Variants in PDZD2 observed in about 807,000 individuals in gnomAD.
The protein encoded by PDZD2 is PDZ domain-containing protein 2.
A neutral mutation model predicts 220.7 loss-of-function variants in PDZD2; 90 were observed. The ratio of observed to expected loss-of-function variants is 0.41; its 90% CI spans 0.34 to 0.49. The LOEUF (loss-of-function observed/expected upper bound fraction) is 0.49, where lower values mean the gene tolerates loss of function less well. Among genes scored for constraint, PDZD2 ranks in the 20% least tolerant of loss-of-function variants. The pLI, the probability that PDZD2 is intolerant of heterozygous loss-of-function variation, is 0.28. For synonymous variants in PDZD2, 1,375 were observed against 1,450.5 expected, an observed-to-expected ratio of 0.95 and a Z score of 1.18; for missense variants, 3,174 against 3,608.5, an observed-to-expected ratio of 0.88 and a Z score of 3.08.
chr5:31,983,292 TG>T lies in PDZD2; in HGVS notation c.617del (p.Gly206ValfsTer61), dbSNP rs751925372. On this transcript the variant is annotated frameshift_variant, in exon 3 of 25. Coordinates refer to ENST00000438447, the MANE Select transcript of PDZD2 (RefSeq NM_178140.4). LOFTEE classifies it high-confidence loss of function. ...CCAGGAGAAACACCTACCTTGGAGC[TG>T]GGTGACCGAACTGCGAAAAAGGGGA... ...SEPGETPTLE[L>X]GDRTAKKGKR... 2.5e-6 allele frequency: 4 copies of T among 1,614,114 alleles called. No homozygotes were observed. Among genetic ancestry groups the T allele is most frequent in the Non-Finnish European group, 8.5e-7 (1 of 1,180,048 alleles).
chr5:31,937,898 A>G (rs1745898407), intron 2 of PDZD2, among the ~76,000 whole-genome samples: 1 of 152,226 alleles, frequency 6.6e-6, no homozygotes, highest in Non-Finnish European at 1.5e-5. Context: ...TCAGCAAGCT[A>G]TGGCCCTTAG....
intron 1 of PDZD2, among the ~76,000 whole-genome samples, chr5:31,676,512 G>T (rs1339218057): frequency 1.3e-5 from 2 of 151,838 alleles, no homozygotes; most frequent in East Asian, 3.9e-4. Context: ...GTAGGAAGAT[G>T]AGCAGAAATA....
chr5:31,829,385 T>C (rs1028028082), intron 2 of PDZD2, among the ~76,000 whole-genome samples: 1 of 151,482 alleles, frequency 6.6e-6, no homozygotes, highest in African/African-American at 2.4e-5. Flanking sequence ...TGGAGTGCAG[T>C]GGCATGATCT....
chr5:32,035,524 G>A (rs1158803157), intron 6 of PDZD2, among the ~76,000 whole-genome samples: 1 of 151,864 alleles, frequency 6.6e-6, no homozygotes, highest in Non-Finnish European at 1.5e-5. Context: ...AGAAAGAAAG[G>A]GTCTTGCGAT....
chr5:31,753,877 A>G lies in PDZD2; in HGVS notation c.-360-45012A>G, dbSNP rs1209531052. Among the ~76,000 whole-genome samples, 4 of 152,200 alleles carry G rather than the reference A, an allele frequency of 2.6e-5. No individual in the cohort carries two copies. In the East Asian group the frequency reaches 7.7e-4, roughly 29 times the overall value. On this transcript the variant is annotated intron_variant, in intron 1 of 24. Transcript: ENST00000438447. ...AAACTTATTTCAAAATCTCCAGGACATCTAGATGCTTCTCCTACAAGGAGG... is the reference window on the plus strand; with the variant it reads ...AAACTTATTTCAAAATCTCCAGGACGTCTAGATGCTTCTCCTACAAGGAGG...
chr5:31,665,649 C>T (rs547827738), intron 1 of PDZD2, among the ~76,000 whole-genome samples: 1 of 116,788 alleles, frequency 8.6e-6, no homozygotes, highest in African/African-American at 3.3e-5. Flanking sequence ...CCCCCTCCCC[C>T]CCCTCCCTTT....
rs368150455 is a variant in PDZD2 at position 32,057,884 on chromosome 5, C to A, written c.1981C>A (p.Arg661=). The part of the protein sequence containing the change: ...QEAIHTFKQI[R]SGLFVLTVRT... ...TTCCTCACTGTTTTCTCAGCAAATCCGGAGTGGATTATTTGTTTTAACGGT... is the reference window on the plus strand; with the variant it reads ...TTCCTCACTGTTTTCTCAGCAAATCAGGAGTGGATTATTTGTTTTAACGGT... The change falls in exon 12 of 25, where the codon CGG becomes AGG. Residue 661 remains arginine (R), a synonymous_variant. Transcript: ENST00000438447. 1.7e-5 allele frequency: 27 copies of A among 1,610,320 alleles called. No individual in the cohort carries two copies. The highest frequency in any genetic ancestry group is 2.0e-5 in the Non-Finnish European group (24 of 1,177,326).
intron 2 of PDZD2, among the ~76,000 whole-genome samples, chr5:31,809,303 A>G (rs1238619519): frequency 7.2e-5 from 11 of 152,124 alleles, no homozygotes. Context: ...GCCCCAGTCC[A>G]GTTTATTATT....
rs549554094 is a variant in PDZD2 at position 31,639,759 on chromosome 5, C to T, written c.-361+322C>T. 6.6e-6 allele frequency among the ~76,000 whole-genome samples: 1 copy of T among 152,276 alleles called. No homozygotes were observed. The highest frequency in any genetic ancestry group is 1.9e-4 in the East Asian group (1 of 5,158). ...CAAGACAGGGCCGGGACCTCCTGCT[C>T]GGGCGCGCATCCCGGGTCCCCATCC... On this transcript the variant is annotated intron_variant, in intron 1 of 24. Transcript: ENST00000438447. The surrounding 1 kb of genome is among the most constrained non-coding windows in gnomAD (Gnocchi z 4.1).
chr5:31,915,275 G>C (rs574967312), intron 2 of PDZD2, among the ~76,000 whole-genome samples: 1 of 151,770 alleles, frequency 6.6e-6, no homozygotes, highest in South Asian at 2.1e-4. Context: ...TGAGCCCGTG[G>C]CATCTACACT....
rs973804427 is a variant in PDZD2 at position 31,646,728 on chromosome 5, T to C, written c.-361+7291T>C. Among the ~76,000 whole-genome samples, 1 of 152,148 alleles carries C rather than the reference T, an allele frequency of 6.6e-6. No homozygotes were observed. The highest frequency in any genetic ancestry group is 2.4e-5 in the African/African-American group (1 of 41,436). On this transcript the variant is annotated intron_variant, in intron 1 of 24. Coordinates refer to ENST00000438447, the MANE Select transcript of PDZD2 (RefSeq NM_178140.4). The surrounding 1 kb of genome is among the most constrained non-coding windows in gnomAD (Gnocchi z 4.7). ...CAAGGCTAAAGCAGCCATGCAAATA[T>C]TATTACAAAACCACTCAGCATACAA...
intron 5 of PDZD2, among the ~76,000 whole-genome samples, chr5:32,006,353 A>T (rs76873895): frequency 1.5e-5 from 2 of 134,358 alleles, no homozygotes; most frequent in East Asian, 4.3e-4. Context: ...AGGAAGTACA[A>T]TTTTTTTTTT....
At chr5:32,068,302 C>G (rs373785290) in intron 14 of PDZD2, among the ~76,000 whole-genome samples, 1 of 152,144 alleles carries the variant, frequency 6.6e-6, no homozygotes, top group African/African-American at 2.4e-5. Flanking sequence ...TAAAGACATA[C>G]AACAACTAGA....
At chr5:31,900,944 G>A (rs913894659) in intron 2 of PDZD2, among the ~76,000 whole-genome samples, 35 of 152,136 alleles carry the variant, frequency 2.3e-4, no homozygotes, top group Admixed American at 8.5e-4. Flanking sequence ...AAATCTTCCC[G>A]GACAAATACT....
At chr5:31,906,144 C>T (rs1324601195) in intron 2 of PDZD2, among the ~76,000 whole-genome samples, 1 of 147,972 alleles carries the variant, frequency 6.8e-6, no homozygotes, top group Admixed American at 6.8e-5. Flanking sequence ...GCCTCAGCCT[C>T]CCGAGTAGCT....
At chr5:31,988,985 A>C (rs1750957257) in intron 3 of PDZD2, among the ~76,000 whole-genome samples, 2 of 152,106 alleles carry the variant, frequency 1.3e-5, no homozygotes, top group African/African-American at 4.8e-5. Flanking sequence ...CCCGAGCCCG[A>C]CGTATTCCAA....
chr5:31,973,371 C>G (rs753571544), intron 2 of PDZD2, among the ~76,000 whole-genome samples: 2 of 152,172 alleles, frequency 1.3e-5, no homozygotes, highest in Non-Finnish European at 2.9e-5. Flanking sequence ...GCATGGAGAT[C>G]AAAATAATTT....
chr5:32,046,120 T>C (rs1036086400), intron 7 of PDZD2, among the ~76,000 whole-genome samples: 1 of 152,244 alleles, frequency 6.6e-6, no homozygotes, highest in African/African-American at 2.4e-5. Context: ...AATATGATTA[T>C]AGCTATATTC....
chr5:31,726,190 T>C (rs1749125385), intron 1 of PDZD2, among the ~76,000 whole-genome samples: 1 of 152,234 alleles, frequency 6.6e-6, no homozygotes, highest in Non-Finnish European at 1.5e-5. Flanking sequence ...GGAGTGATGC[T>C]TGCACATGCC....
Sources: allele counts gnomAD v4.1 joint callset (sites outside exome capture counted in the v4.1 genomes callset), GRCh38; gene constraint gnomAD v4.1.1; non-coding constraint Gnocchi (gnomAD v3.1); transcripts MANE v1.5; gene names NCBI Gene and HGNC (gene_info 2026-07-23, HGNC 2026-07-21).